The following UGGT2 variants were observed in gnomAD, a reference collection of about 807,000 sequenced individuals.
UGGT2 encodes UDP-glucose:glycoprotein glucosyltransferase 2.
Under a neutral mutation model 192.1 loss-of-function variants are expected in UGGT2, and 180 were observed. The observed-to-expected ratio is 0.94, with a 90% CI of 0.83 to 1.06. UGGT2 has a LOEUF of 1.06. Ranked by LOEUF, UGGT2 falls within the 50% of genes least tolerant of loss-of-function variation. UGGT2 has a pLI of 0.00. For synonymous variants in UGGT2, 580 were observed against 591.0 expected, an observed-to-expected ratio of 0.98 and a Z score of 0.27; for missense variants, 1,849 against 1,795.7, an observed-to-expected ratio of 1.03 and a Z score of -0.54.
At chr13:95,977,667 T>C (rs891880775) in intron 10 of UGGT2, among the ~76,000 whole-genome samples, 4 of 152,166 alleles carry the variant, frequency 2.6e-5, no homozygotes, top group Admixed American at 1.3e-4. Flanking sequence ...AGAAATACCA[T>C]TTGACCCAGC....
intron 8 of UGGT2, among the ~76,000 whole-genome samples, chr13:95,987,936 G>T (rs974836102): frequency 6.6e-6 from 1 of 152,082 alleles, no homozygotes; most frequent in African/African-American, 2.4e-5. Flanking sequence ...GTTAGATTCA[G>T]CCAATCCAAG....
chr13:95,874,129 T>C (rs1165903901), intron 29 of UGGT2, among the ~76,000 whole-genome samples: 2 of 152,160 alleles, frequency 1.3e-5, no homozygotes, highest in Non-Finnish European at 2.9e-5. Context: ...TGTCTGCTTA[T>C]TCCACCTCAC....
At chr13:95,923,581 T>C (rs894867049) in intron 20 of UGGT2, among the ~76,000 whole-genome samples, 2 of 152,056 alleles carry the variant, frequency 1.3e-5, no homozygotes, top group African/African-American at 2.4e-5. Flanking sequence ...TAAACTATTC[T>C]CAGAGGTAAT....
At chr13:95,982,540 T>C (rs2051159371) in intron 10 of UGGT2, among the ~76,000 whole-genome samples, 1 of 152,074 alleles carries the variant, frequency 6.6e-6, no homozygotes, top group Non-Finnish European at 1.5e-5. Flanking sequence ...CTCCAACCAA[T>C]TTGTGGGCCC....
At position 95,925,718 on chromosome 13, in the gene UGGT2, A is replaced by G. The variant is rs140793510; in HGVS notation, c.2257T>C (p.Ser753Pro). The change falls in exon 20 of 39, where the codon TCT becomes CCT. Residue 753 changes from serine (S) to proline (P), a missense_variant. Physicochemically the swap from Ser to Pro is moderately conservative, Grantham distance 74. Coordinates refer to ENST00000376747, the MANE Select transcript of UGGT2 (RefSeq NM_020121.4). ...LWIIADFDKP[S>P]GRKLLFNALK... The stretch of plus-strand genomic sequence containing the variant: ...GCATTAAAAAGAAGTTTTCTCCCAG[A>G]AGGCTTATCAAAATCTGCAATAATC... 3.1e-5 allele frequency: 49 copies of G among 1,582,578 alleles called. No homozygotes were observed. The African/African-American group carries it at 4.8e-4, about 16-fold the overall frequency.
At chr13:95,976,132 A>C (rs2050930523) in intron 10 of UGGT2, among the ~76,000 whole-genome samples, 1 of 151,914 alleles carries the variant, frequency 6.6e-6, no homozygotes, top group Admixed American at 6.6e-5. Flanking sequence ...TCTACTCTCT[A>C]CCTCCATGAG....
Position 95,997,846 on chromosome 13 carries a change from C to G in UGGT2, c.757+1365G>C, listed in dbSNP as rs138094120. Among the ~76,000 whole-genome samples, 798 of 152,146 alleles carry G rather than the reference C, an allele frequency of 5.2e-3. 5 individuals are homozygous for G. Among genetic ancestry groups the G allele is most frequent in the Middle Eastern group, 0.024 (7 of 294 alleles). Reference sequence around the variant, plus strand: ...GTTTAGTGTTTCAGGCAAGAGGACACAAATTAGAGAGGGCTGAAGGACAGT... The same window carrying G: ...GTTTAGTGTTTCAGGCAAGAGGACAGAAATTAGAGAGGGCTGAAGGACAGT... On this transcript the variant is annotated intron_variant, in intron 6 of 38. Coordinates refer to ENST00000376747, the MANE Select transcript of UGGT2 (RefSeq NM_020121.4).
chr13:95,978,162 A>T (rs937443897), intron 10 of UGGT2, among the ~76,000 whole-genome samples: 1 of 152,152 alleles, frequency 6.6e-6, no homozygotes, highest in Non-Finnish European at 1.5e-5. Flanking sequence ...CATGTTCTGC[A>T]TATGTATCCC....
chr13:95,926,487 A>ACAAAG (rs972285270), intron 19 of UGGT2, among the ~76,000 whole-genome samples: 1 of 152,190 alleles, frequency 6.6e-6, no homozygotes, highest in Non-Finnish European at 1.5e-5. Flanking sequence ...GCCAAACAAA[A>ACAAAG]CAAAGCAAAG....
At chr13:96,046,205 C>T (rs546778334) in intron 1 of UGGT2, among the ~76,000 whole-genome samples, 139 of 152,124 alleles carry the variant, frequency 9.1e-4, no homozygotes, top group African/African-American at 3.2e-3. Flanking sequence ...AACTGACCTT[C>T]GAGAAAGCAA....
intron 34 of UGGT2, among the ~76,000 whole-genome samples, chr13:95,855,106 TAAAAAAAA>T (rs10713359): frequency 1.0e-4 from 5 of 49,958 alleles, no homozygotes; most frequent in African/African-American, 4.3e-4. Flanking sequence ...ACCCTGTCTG[TAAAAAAAA>T]AAAAAAAAAA....
At chr13:95,926,040 T>C (rs1300845758) in intron 19 of UGGT2, among the ~76,000 whole-genome samples, 1 of 152,010 alleles carries the variant, frequency 6.6e-6, no homozygotes, top group East Asian at 1.9e-4. Flanking sequence ...GAAGAGTAAC[T>C]CATTATATAA....
intron 4 of UGGT2, among the ~76,000 whole-genome samples, chr13:96,019,531 C>A (rs1323612044): frequency 2.0e-5 from 3 of 152,122 alleles, no homozygotes; most frequent in Non-Finnish European, 4.4e-5. Flanking sequence ...GCAGTCAGGG[C>A]CTCACACGGT....
At chr13:95,836,391 TAATACAGA>T in intron 37 of UGGT2, among the ~76,000 whole-genome samples, 1 of 152,300 alleles carries the variant, frequency 6.6e-6, no homozygotes, top group Admixed American at 6.5e-5. Flanking sequence ...AGAAAAGAGT[TAATACAGA>T]AAGCCTGAAA....
chr13:95,805,931 T>C (rs1156659761), intron 38 of UGGT2, among the ~76,000 whole-genome samples: 1 of 146,526 alleles, frequency 6.8e-6, no homozygotes, highest in African/African-American at 2.5e-5. Flanking sequence ...TTAACCACAA[T>C]GAAAAAATAC....
chr13:96,023,747 G>A lies in UGGT2; in HGVS notation c.254C>T (p.Ser85Phe), dbSNP rs1304846654. 1.9e-6 allele frequency: 3 copies of A among 1,594,922 alleles called. No homozygotes were observed. Among genetic ancestry groups the A allele is most frequent in the East Asian group, 2.2e-5 (1 of 44,496 alleles). ...AIYKQTESDY[S>F]YYNLILKKAG... The stretch of plus-strand genomic sequence containing the variant: ...TTTCTTCAGGATTAAGTTGTAATAA[G>A]AATAATCTGATTCTATAAAAAGAAG... Residue 85 changes from serine (S) to phenylalanine (F), a missense_variant, in exon 3 of 39, where the codon TCT becomes TTT. Transcript: ENST00000376747.
chr13:95,871,302 T>C (rs1891198309), intron 29 of UGGT2, among the ~76,000 whole-genome samples: 1 of 152,148 alleles, frequency 6.6e-6, no homozygotes, highest in South Asian at 2.1e-4. Flanking sequence ...ACCCTCACAA[T>C]ATGCAGATTG....
chr13:95,889,972 A>G lies in UGGT2; in HGVS notation c.2958+890T>C, dbSNP rs151288272. Among the ~76,000 whole-genome samples the G allele has an allele frequency of 3.2e-3, 481 of 152,272 alleles. 3 individuals are homozygous for G. Among genetic ancestry groups the G allele is most frequent in the African/African-American group, 0.011 (459 of 41,552 alleles). On this transcript the variant is annotated intron_variant, in intron 25 of 38. Transcript: ENST00000376747. ...TTAGGTGCTTCGTGACAGCTCAACA[A>G]TGACACAGGCAGTGCCTGAGTCCCT...
At chr13:95,837,693 A>G (rs1235033204) in intron 36 of UGGT2, among the ~76,000 whole-genome samples, 2 of 152,184 alleles carry the variant, frequency 1.3e-5, no homozygotes, top group Admixed American at 6.5e-5. Context: ...TGGATGTTTG[A>G]CTGGCAAACT....
Sources: gnomAD v4.1 joint callset for allele counts (sites outside exome capture counted in the v4.1 genomes callset) on GRCh38, gnomAD v4.1.1 for gene constraint, MANE v1.5 for transcripts, NCBI Gene and HGNC (gene_info 2026-07-23, HGNC 2026-07-21) for gene names.